The following PUM1 variants were observed in gnomAD, a reference collection of about 807,000 sequenced individuals.
PUM1 encodes the protein pumilio RNA binding family member 1.
In PUM1, 13 loss-of-function variants were observed where a neutral mutation model predicts 131.8. That is an observed-to-expected ratio of 0.10 (90% CI 0.06 to 0.16). PUM1 has a LOEUF of 0.16. Ranked by LOEUF, PUM1 falls within the 10% of genes least tolerant of loss-of-function variation. The pLI is 1.00. For missense variants in PUM1, 961 were observed against 1,512.4 expected (o/e 0.64, Z 6.05); for synonymous variants, 509 against 556.5 (o/e 0.91, Z 1.20).
intron 3 of PUM1, among the ~76,000 whole-genome samples, chr1:31,022,118 G>A (rs980089706): frequency 6.0e-5 from 9 of 149,890 alleles, no homozygotes; most frequent in African/African-American, 2.2e-4. Flanking sequence ...TCCCCATCTT[G>A]ACACTTAAGA....
intron 2 of PUM1, among the ~76,000 whole-genome samples, chr1:31,038,572 T>A (rs1308822872): frequency 6.6e-6 from 1 of 152,196 alleles, no homozygotes; most frequent in African/African-American, 2.4e-5. Flanking sequence ...AGGCATTACA[T>A]ACAAATATTT....
intron 5 of PUM1, among the ~76,000 whole-genome samples, chr1:30,999,171 T>C (rs1469268210): frequency 6.6e-6 from 1 of 152,174 alleles, no homozygotes; most frequent in East Asian, 1.9e-4. Context: ...GGCTGATTTT[T>C]ATATTTTTTG....
intron 1 of PUM1, among the ~76,000 whole-genome samples, chr1:31,062,950 C>T (rs552005416): frequency 1.3e-5 from 2 of 152,168 alleles, no homozygotes; most frequent in Admixed American, 6.5e-5. Context: ...TTAAGAATTC[C>T]AATCCATCAG....
chr1:30,962,542 C>A (rs768674201), intron 14 of PUM1, among the ~76,000 whole-genome samples: 1 of 152,180 alleles, frequency 6.6e-6, no homozygotes, highest in Non-Finnish European at 1.5e-5. Context: ...TCCCAAGCAG[C>A]TGGGACTACA....
chr1:30,993,081 G>C (rs540342686), intron 6 of PUM1, among the ~76,000 whole-genome samples: 1 of 152,242 alleles, frequency 6.6e-6, no homozygotes, highest in South Asian at 2.1e-4. Flanking sequence ...CCACAACTCA[G>C]TGATTCTAAA....
At chr1:30,959,931 A>T (rs1640338663) in intron 14 of PUM1, among the ~76,000 whole-genome samples, 1 of 152,040 alleles carries the variant, frequency 6.6e-6, no homozygotes, top group South Asian at 2.1e-4. Flanking sequence ...GGGCATAAAA[A>T]ACACTTGACA....
chr1:31,040,463 A>G (rs550174339), intron 2 of PUM1, among the ~76,000 whole-genome samples: 65 of 152,310 alleles, frequency 4.3e-4, no homozygotes, highest in Non-Finnish European at 7.8e-4. Flanking sequence ...AAGGTAGGGG[A>G]TTCCAAAGAG....
intron 21 of PUM1, among the ~76,000 whole-genome samples, chr1:30,934,145 G>A (rs912952382): frequency 3.3e-5 from 5 of 152,184 alleles, no homozygotes; most frequent in African/African-American, 1.2e-4. Context: ...TCCCTGGGCT[G>A]ATCATTTCAA....
At chr1:30,993,329 C>T (rs796924077) in intron 6 of PUM1, among the ~76,000 whole-genome samples, 3 of 130,270 alleles carry the variant, frequency 2.3e-5, no homozygotes, top group African/African-American at 8.7e-5. Flanking sequence ...CAAACCAGGA[C>T]ATGCCTAAGA....
At chr1:31,000,985 G>A (rs1642189112) in intron 5 of PUM1, among the ~76,000 whole-genome samples, 1 of 152,100 alleles carries the variant, frequency 6.6e-6, no homozygotes, top group Non-Finnish European at 1.5e-5. Context: ...AGGAGAGCGA[G>A]ACCATCCTGG....
intron 1 of PUM1, among the ~76,000 whole-genome samples, chr1:31,061,012 C>T (rs1166447234): frequency 6.6e-6 from 1 of 152,062 alleles, no homozygotes; most frequent in Non-Finnish European, 1.5e-5. Context: ...TAGCCTAAGC[C>T]CTCTCCTCAG....
intron 15 of PUM1, among the ~76,000 whole-genome samples, chr1:30,952,691 G>GGGC (rs1639993210): frequency 9.2e-6 from 1 of 108,398 alleles, no homozygotes. Flanking sequence ...GGCGGGGGGG[G>GGGC]GGCGGGAGGG....
chr1:31,064,084 T>A (rs996393218), intron 1 of PUM1, among the ~76,000 whole-genome samples: 12 of 152,232 alleles, frequency 7.9e-5, no homozygotes, highest in African/African-American at 2.9e-4. Flanking sequence ...TTCAAATGTT[T>A]ACAAAGTTTT....
rs1257139987 is a variant in PUM1 at position 31,062,402 on chromosome 1, C to T, written c.-11-2825G>A. Among the ~76,000 whole-genome samples the T allele has an allele frequency of 2.6e-5, 4 of 152,156 alleles. No individual in the cohort carries two copies. In the East Asian group the frequency reaches 7.7e-4, roughly 29 times the overall value. The stretch of plus-strand genomic sequence containing the variant: ...CTTTGGGAGGCGGAGGCAGGCGCAT[C>T]TCCAGGTCAGAATTCCAGACCAGCC... On this transcript the variant is annotated intron_variant, in intron 1 of 21. Coordinates refer to ENST00000426105, the MANE Select transcript of PUM1 (RefSeq NM_001020658.2).
rs1405350862 is a variant in PUM1 at position 30,945,451 on chromosome 1, G to A, written c.2889C>T (p.Val963=). The change falls in exon 18 of 22, where the codon GTC becomes GTT. Residue 963 remains valine, a synonymous_variant. Transcript: ENST00000426105. ...CATTCTGATCTTTCACACACTTCAA[G>A]ACATGGCCATCTAGTTCCCGAACCA... ...NEMVRELDGH[V]LKCVKDQNGN... is the part of the protein sequence containing the mutation. 6.2e-7 allele frequency: 1 copy of A among 1,614,024 alleles called. No homozygotes were observed. The highest frequency in any genetic ancestry group is 1.3e-5 in the African/African-American group (1 of 74,918).
chr1:31,059,157 G>A (rs777537128), intron 2 of PUM1, 47 bp downstream of exon 2: 3 of 1,516,826 alleles, frequency 2.0e-6, no homozygotes, highest in Non-Finnish European at 2.7e-6. Flanking sequence ...TAAGTGGACA[G>A]TGATTATAAA....
intron 12 of PUM1, 165 bp downstream of exon 12, chr1:30,967,002 A>C: frequency 4.1e-6 from 3 of 738,512 alleles, no homozygotes; most frequent in Non-Finnish European, 3.9e-6. Context: ...CAAAAAGGAG[A>C]ATCCACTAAG....
intron 14 of PUM1, among the ~76,000 whole-genome samples, chr1:30,956,974 C>A (rs560419623): frequency 6.6e-5 from 10 of 152,044 alleles, no homozygotes; most frequent in Non-Finnish European, 1.3e-4. Context: ...CAGGACTGGA[C>A]TGAACAACAG....
At chr1:31,021,889 C>G (rs563741947) in intron 3 of PUM1, among the ~76,000 whole-genome samples, 1 of 152,022 alleles carries the variant, frequency 6.6e-6, no homozygotes, top group Admixed American at 6.5e-5. Context: ...TATAAGAGAT[C>G]TGGGTTCAAA....
Sources: allele counts gnomAD v4.1 joint callset (sites outside exome capture counted in the v4.1 genomes callset), GRCh38; gene constraint gnomAD v4.1.1; transcripts MANE v1.5; gene names NCBI Gene and HGNC (gene_info 2026-07-23, HGNC 2026-07-21).